FRYL: variants seen among roughly 807,000 people sequenced by gnomAD.
FRYL encodes FRY like transcription coactivator.
In FRYL, 150 loss-of-function variants were observed where a neutral mutation model predicts 351.2. That is an observed-to-expected ratio of 0.43 (90% CI 0.37 to 0.49). FRYL has a LOEUF of 0.49. FRYL is among the 20% of genes least tolerant of loss of function. FRYL has a pLI of 0.00. For synonymous variants in FRYL, 1,153 were observed against 1,257.1 expected (o/e 0.92, Z 1.75); for missense variants, 3,036 against 3,619.3 (o/e 0.84, Z 4.13).
intron 27 of FRYL, among the ~76,000 whole-genome samples, chr4:48,568,148 C>T (rs1305521164): frequency 6.6e-6 from 1 of 152,114 alleles, no homozygotes; most frequent in African/African-American, 2.4e-5. Flanking sequence ...GCCTGTAGTC[C>T]CAGCTACTCG....
chr4:48,770,339 A>C (rs971516234), intron 1 of FRYL, among the ~76,000 whole-genome samples: 16 of 152,218 alleles, frequency 1.1e-4, no homozygotes, highest in African/African-American at 3.6e-4. Context: ...CTAATATTTT[A>C]AGTAGGATCA....
chr4:48,713,910 T>C lies in FRYL; in HGVS notation c.-383-3212A>G, dbSNP rs551602766. Among the ~76,000 whole-genome samples the C allele has an allele frequency of 2.4e-3, 370 of 152,214 alleles. 2 individuals are homozygous for C. Among genetic ancestry groups the C allele is most frequent in the Non-Finnish European group, 3.8e-3 (256 of 68,014 alleles). ...AGCAAATGGAAAAGAACAGAAATTA[T>C]AACAAACTATCTCTCAGACCACAGT... On this transcript the variant is annotated intron_variant, in intron 1 of 63. Coordinates refer to ENST00000358350, the MANE Select transcript of FRYL (RefSeq NM_015030.2).
At chr4:48,743,186 T>C (rs1202609976) in intron 1 of FRYL, among the ~76,000 whole-genome samples, 1 of 151,974 alleles carries the variant, frequency 6.6e-6, no homozygotes, top group Non-Finnish European at 1.5e-5. Context: ...ATCTATTATG[T>C]AATCAAAGGC....
intron 3 of FRYL, among the ~76,000 whole-genome samples, chr4:48,642,594 AAG>A (rs1755563216): frequency 6.6e-6 from 1 of 152,194 alleles, no homozygotes; most frequent in African/African-American, 2.4e-5. Flanking sequence ...TCTTATTGAA[AAG>A]AGTTTCTAAA....
intron 1 of FRYL, among the ~76,000 whole-genome samples, chr4:48,733,028 C>T (rs544453772): frequency 1.6e-4 from 25 of 151,762 alleles, no homozygotes; most frequent in Middle Eastern, 3.4e-3. Flanking sequence ...GTAATCCCAG[C>T]ACTTTGGGAG....
chr4:48,514,648 G>T (rs1441501172), intron 56 of FRYL, among the ~76,000 whole-genome samples: 1 of 152,242 alleles, frequency 6.6e-6, no homozygotes, highest in Non-Finnish European at 1.5e-5. Flanking sequence ...CAATTTTTTG[G>T]AATATATTTT....
rs200200027 is a variant in FRYL, at chr4:48,511,004, A to G, written c.8146-20T>C. ...AATTGTCTATGGAGAAAAGCAGAAG[A>G]AAGAGTTTAGTGTTTCATAAGAAGG... On this transcript the variant is annotated intron_variant, in intron 57 of 63. Coordinates refer to ENST00000358350, the MANE Select transcript of FRYL (RefSeq NM_015030.2). 4 of 1,595,482 alleles carry G rather than the reference A, an allele frequency of 2.5e-6. No individual in the cohort carries two copies. The highest frequency in any genetic ancestry group is 3.4e-6 in the Non-Finnish European group (4 of 1,170,514).
At chr4:48,500,359 C>T (rs759486083) in intron 62 of FRYL, 139 bp from the exon 63 acceptor site, 7 of 507,014 alleles carry the variant, frequency 1.4e-5, no homozygotes, top group Non-Finnish European at 2.3e-5. Context: ...GAAGAAAGGG[C>T]AGTTAATATT....
At chr4:48,697,089 C>T (rs764749812) in intron 2 of FRYL, among the ~76,000 whole-genome samples, 4 of 151,962 alleles carry the variant, frequency 2.6e-5, no homozygotes, top group African/African-American at 4.8e-5. Context: ...GAAGCTACAT[C>T]GAAGACTTGG....
At chr4:48,559,752 A>T (rs1735034889) in intron 33 of FRYL, among the ~76,000 whole-genome samples, 1 of 151,512 alleles carries the variant, frequency 6.6e-6, no homozygotes, top group Non-Finnish European at 1.5e-5. Flanking sequence ...AAAAAAAGGG[A>T]CGGAAGGCAA....
At chr4:48,563,926 A>C in intron 31 of FRYL, 22 bp downstream of exon 31, 1 of 1,593,788 alleles carries the variant, frequency 6.3e-7, no homozygotes, top group East Asian at 2.2e-5. Context: ...AAAATGAAAC[A>C]AAAAACCTGT....
chr4:48,641,261 T>C (rs1755255594), intron 3 of FRYL, among the ~76,000 whole-genome samples: 1 of 152,108 alleles, frequency 6.6e-6, no homozygotes, highest in South Asian at 2.1e-4. Context: ...CAGATATAGC[T>C]TATCAAGAGC....
rs1427085338 is a variant in FRYL, at chr4:48,531,292, A to C, written c.6767T>G (p.Leu2256Arg). The part of the protein sequence containing the change: ...LKLVVSRSAS[L>R]VVPSDIPKTY... ...CTTGGGGATATCACTGGGTACGACA[A>C]GACTCGCAGAGCGTGACACCACCAG... is the stretch of plus-strand genomic sequence containing the variant. Residue 2256 changes from leucine (L) to arginine (R), a missense_variant, in exon 50 of 64, where the codon CTT (leucine) becomes CGT (arginine). Around this residue, in one of 7 missense-constraint regions of FRYL, gnomAD observed 1,987 missense variants for 2,311.7 expected, o/e 0.86. Coordinates refer to ENST00000358350, the MANE Select transcript of FRYL (RefSeq NM_015030.2). 1 of 1,613,780 alleles carries C rather than the reference A, an allele frequency of 6.2e-7. No homozygotes were observed. The highest frequency in any genetic ancestry group is 1.7e-5 in the Admixed American group (1 of 59,996).
chr4:48,574,835 A>ACCAGTGC (rs1739240612), intron 25 of FRYL, among the ~76,000 whole-genome samples: 5 of 152,218 alleles, frequency 3.3e-5, no homozygotes, highest in African/African-American at 1.2e-4. Context: ...GTAGTAAAAT[A>ACCAGTGC]TTAAATATTT....
chr4:48,582,975 A>T (rs935632549), intron 19 of FRYL, among the ~76,000 whole-genome samples: 2 of 152,182 alleles, frequency 1.3e-5, no homozygotes, highest in African/African-American at 4.8e-5. Flanking sequence ...TATAATCTGA[A>T]TAATAAGTTT....
intron 1 of FRYL, among the ~76,000 whole-genome samples, chr4:48,771,626 T>G (rs546008359): frequency 6.6e-6 from 1 of 152,278 alleles, no homozygotes; most frequent in African/African-American, 2.4e-5. Context: ...CATCCTGTTA[T>G]ACCATCCTCG....
intron 53 of FRYL, among the ~76,000 whole-genome samples, chr4:48,523,756 C>A (rs1482144538): frequency 6.6e-6 from 1 of 152,190 alleles, no homozygotes; most frequent in African/African-American, 2.4e-5. Context: ...TTAAGAAAAT[C>A]TTCAAGATTT....
intron 28 of FRYL, among the ~76,000 whole-genome samples, chr4:48,566,464 C>T (rs186974212): frequency 6.6e-6 from 1 of 152,144 alleles, no homozygotes; most frequent in Non-Finnish European, 1.5e-5. Context: ...TATTAGTGAG[C>T]TTCAGATCAG....
Position 48,561,529 on chromosome 4 carries a change from A to G in FRYL, c.3804T>C (p.Tyr1268=), listed in dbSNP as rs1397915322. Residue 1268 remains tyrosine, a synonymous_variant, in exon 33 of 64, where the codon TAT becomes TAC. Transcript: ENST00000358350. ...SPLPHLYSVS[Y]YQLSEELARA... ...TTGCTAGTTCCTCGGACAACTGATA[A>G]TATGAAACAGAATAGAGATGTGGTA... is the stretch of plus-strand genomic sequence containing the variant. 3.1e-6 allele frequency: 5 copies of G among 1,612,052 alleles called. No homozygotes were observed. In the African/African-American group the frequency reaches 6.7e-5, roughly 22 times the overall value.
Sources: gnomAD v4.1 joint callset for allele counts (sites outside exome capture counted in the v4.1 genomes callset) on GRCh38, gnomAD v4.1.1 for gene constraint, gnomAD v4.1.1 regional missense constraint, MANE v1.5 for transcripts, NCBI Gene and HGNC (gene_info 2026-07-23, HGNC 2026-07-21) for gene names.